Variants in CIMIP1 observed in about 807,000 individuals in gnomAD.
The protein encoded by CIMIP1 is ciliary microtubule inner protein 1.
the CIMIP1 span, chr20:58,150,934 G>A: frequency 6.3e-7 from 1 of 1,586,276 alleles, no homozygotes; most frequent in Non-Finnish European, 8.6e-7. Context: ...CAGGGCCAGA[G>A]CTTGCGGGGC....
chr20:58,152,081 G>A, the CIMIP1 span, among the ~76,000 whole-genome samples: 1 of 152,076 alleles, frequency 6.6e-6, no homozygotes, highest in Non-Finnish European at 1.5e-5. Context: ...CTTCATATGT[G>A]TCTTTAAATT....
chr20:58,151,248 C>T, the CIMIP1 span, among the ~76,000 whole-genome samples: 1 of 151,996 alleles, frequency 6.6e-6, no homozygotes, highest in Non-Finnish European at 1.5e-5. Flanking sequence ...CTCCTTCTCC[C>T]TCTCCTGTTG....
chr20:58,155,894 C>T, the CIMIP1 span, among the ~76,000 whole-genome samples: 1 of 152,186 alleles, frequency 6.6e-6, no homozygotes, highest in Non-Finnish European at 1.5e-5. Flanking sequence ...CAGGCAGGGA[C>T]TCTGGAATCA....
the CIMIP1 span, chr20:58,155,564 A>AT: frequency 3.8e-5 from 62 of 1,612,568 alleles, no homozygotes; most frequent in African/African-American, 7.6e-4. Context: ...GGAGAAGTAC[A>AT]TCAAGGTTTG....
At chr20:58,158,776 C>T in the CIMIP1 span, among the ~76,000 whole-genome samples, 1 of 152,138 alleles carries the variant, frequency 6.6e-6, no homozygotes, top group African/African-American at 2.4e-5. Flanking sequence ...CCTAAAAGGG[C>T]ATCTGATGAG....
chr20:58,156,801 C>A, the CIMIP1 span, among the ~76,000 whole-genome samples: 1 of 152,090 alleles, frequency 6.6e-6, no homozygotes, highest in East Asian at 1.9e-4. Context: ...CTGCCCTCTG[C>A]CCAGCTATGG....
the CIMIP1 span, among the ~76,000 whole-genome samples, chr20:58,155,251 G>T: frequency 1.5e-4 from 23 of 152,346 alleles, no homozygotes; most frequent in African/African-American, 5.3e-4. Flanking sequence ...CTGCGTTGAG[G>T]TCCCCACCCT....
the CIMIP1 span, among the ~76,000 whole-genome samples, chr20:58,153,087 C>T: frequency 6.6e-6 from 1 of 152,086 alleles, no homozygotes; most frequent in African/African-American, 2.4e-5. Flanking sequence ...AAAGCAAGGT[C>T]GGATTAGGGT....
At chr20:58,152,099 C>T in the CIMIP1 span, among the ~76,000 whole-genome samples, 5 of 152,174 alleles carry the variant, frequency 3.3e-5, no homozygotes, top group Admixed American at 3.3e-4. Context: ...ATTGTTTTCA[C>T]TTGATGATTT....
the CIMIP1 span, among the ~76,000 whole-genome samples, chr20:58,152,586 G>C: frequency 2.0e-5 from 3 of 151,894 alleles, no homozygotes; most frequent in Admixed American, 2.0e-4. Context: ...TCCAGGCATG[G>C]TGGCACACAC....
the CIMIP1 span, chr20:58,160,548 C>T: frequency 8.5e-7 from 1 of 1,172,344 alleles, no homozygotes; most frequent in East Asian, 2.6e-5. Flanking sequence ...CAGTACACAT[C>T]AGGGAGGCTG....
chr20:58,158,231 C>G, the CIMIP1 span, among the ~76,000 whole-genome samples: 1 of 152,182 alleles, frequency 6.6e-6, no homozygotes, highest in Admixed American at 6.5e-5. Flanking sequence ...GGAGCAAGGG[C>G]CAGCTCTTAA....
chr20:58,152,722 C>CAA, the CIMIP1 span, among the ~76,000 whole-genome samples: 355 of 84,644 alleles, frequency 4.2e-3, no homozygotes, highest in African/African-American at 0.013. Flanking sequence ...GAAACTCCAT[C>CAA]AAAAAAAAAA....
chr20:58,155,696 C>A, the CIMIP1 span: 7 of 738,496 alleles, frequency 9.5e-6, no homozygotes, highest in Admixed American at 7.7e-5. Context: ...CACAGCAGTG[C>A]CAGGTGCAGA....
chr20:58,152,653 C>T, the CIMIP1 span, among the ~76,000 whole-genome samples: 1 of 137,054 alleles, frequency 7.3e-6, no homozygotes, highest in Non-Finnish European at 1.5e-5. Context: ...ACCCAGGAGG[C>T]GGAGGTTGCA....
the CIMIP1 span, among the ~76,000 whole-genome samples, chr20:58,158,526 T>G: frequency 2.0e-5 from 3 of 152,030 alleles, no homozygotes; most frequent in Non-Finnish European, 4.4e-5. Flanking sequence ...GGTGGGTGCC[T>G]GTAGTCCCAG....
the CIMIP1 span, chr20:58,150,939 C>T: frequency 5.7e-6 from 9 of 1,588,280 alleles, no homozygotes; most frequent in Admixed American, 1.8e-5. Context: ...CCAGAGCTTG[C>T]GGGGCGCACA....
At chr20:58,158,941 A>C in the CIMIP1 span, among the ~76,000 whole-genome samples, 2 of 152,290 alleles carry the variant, frequency 1.3e-5, no homozygotes, top group Admixed American at 6.5e-5. Flanking sequence ...TTCTCTTAGA[A>C]GTTTGTCTCA....
the CIMIP1 span, among the ~76,000 whole-genome samples, chr20:58,155,209 G>A: frequency 6.6e-6 from 1 of 152,256 alleles, no homozygotes; most frequent in Admixed American, 6.5e-5. Context: ...AGGAGGGGAT[G>A]GAGATGGGTC....
Sources: gnomAD v4.1 joint callset for allele counts (sites outside exome capture counted in the v4.1 genomes callset) on GRCh38, gnomAD v4.1.1 for gene constraint, MANE v1.5 for transcripts, NCBI Gene and HGNC (gene_info 2026-07-23, HGNC 2026-07-21) for gene names.